The following SCAPER variants were observed in gnomAD, a reference collection of about 807,000 sequenced individuals.
SCAPER encodes the protein S-phase cyclin A associated protein in the ER.
SCAPER carries 98 observed loss-of-function variants against 182.2 expected under a neutral mutation model. The ratio of observed to expected loss-of-function variants is 0.54; its 90% CI spans 0.46 to 0.64. The LOEUF (loss-of-function observed/expected upper bound fraction) is 0.64. Among genes scored for constraint, SCAPER ranks in the 30% least tolerant of loss-of-function variants. The pLI is 0.00. For synonymous variants in SCAPER, 605 were observed against 564.6 expected (o/e 1.07, Z -1.01); for missense variants, 1,432 against 1,690.0 (o/e 0.85, Z 2.68).
At chr15:76,836,807 C>A (rs935655575) in intron 5 of SCAPER, among the ~76,000 whole-genome samples, 11 of 149,266 alleles carry the variant, frequency 7.4e-5, no homozygotes, top group Non-Finnish European at 1.6e-4. Context: ...CCAGGAGGCA[C>A]AGCTTGTAGT....
At chr15:76,546,649 T>G (rs932620898) in intron 23 of SCAPER, among the ~76,000 whole-genome samples, 1 of 152,086 alleles carries the variant, frequency 6.6e-6, no homozygotes, top group Non-Finnish European at 1.5e-5. Flanking sequence ...TCTCCCTCTC[T>G]CTCTCTCTGT....
intron 23 of SCAPER, among the ~76,000 whole-genome samples, chr15:76,539,265 T>C (rs1263512165): frequency 1.3e-5 from 2 of 152,126 alleles, no homozygotes; most frequent in Non-Finnish European, 2.9e-5. Flanking sequence ...AACCTCAAAG[T>C]GGAATTTGTA....
chr15:76,788,608 C>T (rs897296251), intron 8 of SCAPER, among the ~76,000 whole-genome samples: 2 of 151,976 alleles, frequency 1.3e-5, no homozygotes, highest in East Asian at 3.9e-4. Flanking sequence ...ACTGTATGTT[C>T]GTATGTTGTA....
chr15:76,528,208 T>C (rs149344837), intron 23 of SCAPER, among the ~76,000 whole-genome samples: 7 of 152,358 alleles, frequency 4.6e-5, no homozygotes, highest in Admixed American at 1.3e-4. Context: ...CCATGGGCTA[T>C]AGTTTGCCAA....
At chr15:76,713,666 T>C (rs1048226117) in intron 17 of SCAPER, among the ~76,000 whole-genome samples, 2 of 151,896 alleles carry the variant, frequency 1.3e-5, no homozygotes, top group Non-Finnish European at 2.9e-5. Context: ...CATTAGGAGA[T>C]ATACCTAATG....
intron 25 of SCAPER, among the ~76,000 whole-genome samples, chr15:76,440,579 G>T (rs2047496078): frequency 6.6e-6 from 1 of 152,030 alleles, no homozygotes; most frequent in Non-Finnish European, 1.5e-5. Flanking sequence ...GGTTCACTGA[G>T]AATCAATAAG....
chr15:76,746,249 C>G (rs1164485143), intron 15 of SCAPER, among the ~76,000 whole-genome samples: 1 of 152,174 alleles, frequency 6.6e-6, no homozygotes, highest in African/African-American at 2.4e-5. Flanking sequence ...GGGATTGATT[C>G]CAGGATCCAC....
chr15:76,833,812 T>A (rs1299088319), intron 5 of SCAPER, among the ~76,000 whole-genome samples: 2 of 152,236 alleles, frequency 1.3e-5, no homozygotes, highest in Admixed American at 6.5e-5. Flanking sequence ...AAGATTTAAC[T>A]GTCTTAAACA....
Position 76,892,908 on chromosome 15 carries a change from C to T in SCAPER, c.-59-9032G>A, listed in dbSNP as rs1435757675. Among the ~76,000 whole-genome samples, 4 of 152,170 alleles carry T rather than the reference C, an allele frequency of 2.6e-5. No individual in the cohort carries two copies. The South Asian group carries it at 8.3e-4, about 32-fold the overall frequency. ...GCAGCACTGTTCACAATAGCAAAGA[C>T]TTGGAACCAACCCAAATGTCCATCA... On this transcript the variant is annotated intron_variant, in intron 1 of 31. Transcript: ENST00000563290.
rs796360032 is a variant in SCAPER at position 76,506,416 on chromosome 15, GA to G, written c.2839-1443del. Among the ~76,000 whole-genome samples, 62 of 149,208 alleles carry G rather than the reference GA, an allele frequency of 4.2e-4. 4 individuals are homozygous for G. The South Asian group carries it at 0.012, about 29-fold the overall frequency. On this transcript the variant is annotated intron_variant, in intron 23 of 31. Transcript: ENST00000563290. Reference sequence around the variant, plus strand: ...ATGTACCCACAAAAATTAAAAATTAGAAAAAAAAATGAGTGGCTAGGACCAA... The same window carrying G: ...ATGTACCCACAAAAATTAAAAATTAGAAAAAAAATGAGTGGCTAGGACCAA...
At chr15:76,440,907 GTTTTTTTTTTGTTTTTTTTTT>G (rs1265891206) in intron 25 of SCAPER, among the ~76,000 whole-genome samples, 14 of 82,854 alleles carry the variant, frequency 1.7e-4, no homozygotes, top group African/African-American at 5.7e-4. Flanking sequence ...TCCCCTTCTG[GTTTTTTTTTTGTTTTTTTTTT>G]TTTTTTTTTT....
At chr15:76,696,155 T>C (rs1468111633) in intron 20 of SCAPER, among the ~76,000 whole-genome samples, 1 of 152,218 alleles carries the variant, frequency 6.6e-6, no homozygotes, top group Admixed American at 6.5e-5. Flanking sequence ...TATCTTTTAT[T>C]TCCCAGACTA....
At chr15:76,452,564 G>A (rs1259650657) in intron 25 of SCAPER, among the ~76,000 whole-genome samples, 2 of 152,202 alleles carry the variant, frequency 1.3e-5, no homozygotes, top group South Asian at 2.1e-4. Flanking sequence ...AGTCTACTAT[G>A]AAAGCTTCAC....
chr15:76,695,285 G>A (rs1309457753), intron 20 of SCAPER, among the ~76,000 whole-genome samples: 3 of 152,016 alleles, frequency 2.0e-5, no homozygotes, highest in South Asian at 2.1e-4. Context: ...AAGCAAGCTT[G>A]TATTCTTTCC....
chr15:76,878,530 T>C (rs2073330754), intron 2 of SCAPER, among the ~76,000 whole-genome samples: 1 of 152,036 alleles, frequency 6.6e-6, no homozygotes, highest in Non-Finnish European at 1.5e-5. Flanking sequence ...AAGATGGTAT[T>C]AAAAAATGAA....
chr15:76,531,387 A>T (rs2043652060), intron 23 of SCAPER, among the ~76,000 whole-genome samples: 1 of 152,178 alleles, frequency 6.6e-6, no homozygotes, highest in Admixed American at 6.5e-5. Flanking sequence ...ATGTGTGAAG[A>T]CAGTCTCAGT....
intron 21 of SCAPER, among the ~76,000 whole-genome samples, chr15:76,648,286 C>T (rs1023060780): frequency 6.6e-6 from 1 of 150,850 alleles, no homozygotes; most frequent in African/African-American, 2.4e-5. Context: ...ATAAAAACGT[C>T]ACTGGATGAT....
At chr15:76,800,662 T>TA (rs1178646142) in intron 6 of SCAPER, among the ~76,000 whole-genome samples, 4 of 152,224 alleles carry the variant, frequency 2.6e-5, no homozygotes, top group Non-Finnish European at 4.4e-5. Context: ...ATACGCTACT[T>TA]ACGATTTATA....
chr15:76,720,088 C>A (rs1269597378), intron 17 of SCAPER, among the ~76,000 whole-genome samples: 1 of 132,808 alleles, frequency 7.5e-6, no homozygotes, highest in East Asian at 2.6e-4. Context: ...CCTCCCCCCA[C>A]CCCACAACAG....
Sources: allele counts gnomAD v4.1 joint callset (sites outside exome capture counted in the v4.1 genomes callset), GRCh38; gene constraint gnomAD v4.1.1; transcripts MANE v1.5; gene names NCBI Gene and HGNC (gene_info 2026-07-23, HGNC 2026-07-21).